The following USH2A variants were observed in gnomAD, a reference collection of about 807,000 sequenced individuals.
The protein encoded by USH2A is usherin.
USH2A carries 443 observed loss-of-function variants against 538.9 expected under a neutral mutation model. The ratio of observed to expected loss-of-function variants is 0.82; its 90% CI spans 0.76 to 0.89. The LOEUF (loss-of-function observed/expected upper bound fraction) is 0.89. Ranked by LOEUF, USH2A falls within the 40% of genes least tolerant of loss-of-function variation. The pLI is 0.00. For synonymous variants in USH2A, 2,413 were observed against 2,273.5 expected (o/e 1.06, Z -1.75); for missense variants, 6,633 against 6,324.8 (o/e 1.05, Z -1.65).
intron 14 of USH2A, among the ~76,000 whole-genome samples, chr1:216,231,238 ATATATATATAT>A (rs1205695315): frequency 1.7e-5 from 1 of 59,914 alleles, no homozygotes; most frequent in Non-Finnish European, 3.3e-5. Context: ...TATCCCATAT[ATATATATATAT>A]TATATATATA....
chr1:215,803,963 C>T (rs537890963), intron 49 of USH2A, among the ~76,000 whole-genome samples: 1 of 152,046 alleles, frequency 6.6e-6, no homozygotes, highest in African/African-American at 2.4e-5. Context: ...AGAACAGAGC[C>T]CTCAGAAATA....
intron 20 of USH2A, among the ~76,000 whole-genome samples, chr1:216,180,885 C>A (rs2034480121): frequency 6.6e-6 from 1 of 152,068 alleles, no homozygotes; most frequent in Admixed American, 6.6e-5. Context: ...TGCAAAAGGG[C>A]ACTGGACCAG....
At chr1:215,968,614 T>G (rs1453291134) in intron 36 of USH2A, among the ~76,000 whole-genome samples, 1 of 152,150 alleles carries the variant, frequency 6.6e-6, no homozygotes, top group Non-Finnish European at 1.5e-5. Context: ...ATATTCCTCA[T>G]AGAAAACATT....
At chr1:215,863,910 C>A (rs1664397507) in intron 44 of USH2A, among the ~76,000 whole-genome samples, 6 of 152,172 alleles carry the variant, frequency 3.9e-5, no homozygotes, top group Non-Finnish European at 7.4e-5. Flanking sequence ...ATATGAACAT[C>A]TGAAGGTTGG....
chr1:215,933,094 C>A (rs1666404472), intron 38 of USH2A, among the ~76,000 whole-genome samples: 4 of 151,716 alleles, frequency 2.6e-5, no homozygotes, highest in African/African-American at 9.7e-5. Flanking sequence ...TATAAATACC[C>A]TAAAATAAAC....
chr1:215,629,100 A>G (rs1571914965), intron 70 of USH2A, 65 bp from the exon 71 acceptor site: 1 of 1,470,654 alleles, frequency 6.8e-7, no homozygotes, highest in Non-Finnish European at 9.5e-7. Context: ...ATGACAGAGA[A>G]TTGTGTCTCA....
chr1:216,133,307 A>G (rs920973557), intron 21 of USH2A, among the ~76,000 whole-genome samples: 3 of 152,112 alleles, frequency 2.0e-5, no homozygotes, highest in African/African-American at 4.8e-5. Flanking sequence ...CAGGACCAAT[A>G]GGCTAGTTTA....
intron 3 of USH2A, among the ~76,000 whole-genome samples, chr1:216,370,691 A>AAAAAAAAAAAAAAAAAAAAAAAAAAC (rs2038696043): frequency 6.6e-6 from 1 of 150,382 alleles, no homozygotes; most frequent in African/African-American, 2.4e-5. Flanking sequence ...AAAAAAAAAA[A>AAAAAAAAAAAAAAAAAAAAAAAAAAC]AAAAAAAAAA....
At chr1:216,326,961 A>G (rs887654338) in intron 5 of USH2A, among the ~76,000 whole-genome samples, 4 of 152,192 alleles carry the variant, frequency 2.6e-5, no homozygotes, top group Non-Finnish European at 5.9e-5. Context: ...GCAGAATTTC[A>G]CTTAAATTTT....
intron 32 of USH2A, among the ~76,000 whole-genome samples, chr1:216,011,312 A>G (rs1176910935): frequency 6.6e-6 from 1 of 151,936 alleles, no homozygotes; most frequent in Non-Finnish European, 1.5e-5. Context: ...TTTCACTTGG[A>G]CTGACCCTGA....
At chr1:216,392,491 CAAAAAAA>C (rs55951311) in intron 3 of USH2A, among the ~76,000 whole-genome samples, 10 of 49,484 alleles carry the variant, frequency 2.0e-4, no homozygotes, top group South Asian at 8.5e-4. Flanking sequence ...GACTCCGTCT[CAAAAAAA>C]AAAAAAAAAA....
At chr1:216,095,703 G>A (rs74143946) in intron 22 of USH2A, among the ~76,000 whole-genome samples, 6,627 of 152,142 alleles carry the variant, frequency 0.044, 482 homozygotes, top group African/African-American at 0.15. Context: ...GCCACTGTGC[G>A]GCTCTCCCAG....
intron 13 of USH2A, among the ~76,000 whole-genome samples, chr1:216,233,386 A>C (rs2035740712): frequency 6.6e-6 from 1 of 152,092 alleles, no homozygotes. Flanking sequence ...GGCTAGGTAT[A>C]CCTGTTACAA....
At chr1:215,860,345 C>A (rs907457269) in intron 44 of USH2A, among the ~76,000 whole-genome samples, 6 of 152,188 alleles carry the variant, frequency 3.9e-5, no homozygotes, top group Non-Finnish European at 8.8e-5. Flanking sequence ...TGAGCTAAAT[C>A]TGGCCTGTTG....
chr1:216,388,503 T>C (rs1250689135), intron 3 of USH2A, among the ~76,000 whole-genome samples: 7 of 152,190 alleles, frequency 4.6e-5, no homozygotes, highest in Non-Finnish European at 1.0e-4. Context: ...ATATTATGAC[T>C]TGGAAGGAAA....
chr1:216,083,535 AT>A lies in USH2A; in HGVS notation c.5218del (p.Ile1740PhefsTer10), dbSNP rs2032019895. The A allele has an allele frequency of 1.2e-6, 2 of 1,612,288 alleles. No individual in the cohort carries two copies. The highest frequency in any genetic ancestry group is 8.5e-7 in the Non-Finnish European group (1 of 1,179,032). On this transcript the variant is annotated frameshift_variant, in exon 26 of 72. Transcript: ENST00000307340. LOFTEE classifies it high-confidence loss of function. ...YMFHGGMNFEISFKFRTDQLN... is the reference protein window; with the variant it reads ...YMFHGGMNFEXSFKFRTDQLN... Reference sequence around the variant, plus strand: ...TTGGTCAGTTCTGAACTTAAAGGAAATCTCAAAGTTCATTCCACCATGAAAC... The same window carrying A: ...TTGGTCAGTTCTGAACTTAAAGGAAACTCAAAGTTCATTCCACCATGAAAC...
At chr1:215,994,956 C>T (rs1483859565) in intron 34 of USH2A, among the ~76,000 whole-genome samples, 3 of 152,060 alleles carry the variant, frequency 2.0e-5, no homozygotes, top group African/African-American at 4.8e-5. Flanking sequence ...GAAAAAAAAT[C>T]CATCCATTTG....
At chr1:216,366,409 A>G (rs1288963912) in intron 3 of USH2A, among the ~76,000 whole-genome samples, 1 of 152,098 alleles carries the variant, frequency 6.6e-6, no homozygotes, top group Non-Finnish European at 1.5e-5. Flanking sequence ...ATGGGGGTAC[A>G]GCATGTTTGG....
chr1:215,931,311 C>T (rs1666357140), intron 38 of USH2A, among the ~76,000 whole-genome samples: 2 of 151,928 alleles, frequency 1.3e-5, no homozygotes, highest in Admixed American at 6.6e-5. Context: ...TGTGTCCTGA[C>T]TACAAATTAA....
Sources: allele counts gnomAD v4.1 joint callset (sites outside exome capture counted in the v4.1 genomes callset), GRCh38; gene constraint gnomAD v4.1.1; transcripts MANE v1.5; gene names NCBI Gene and HGNC (gene_info 2026-07-23, HGNC 2026-07-21).